RAI14: variants seen among roughly 807,000 people sequenced by gnomAD.
The protein encoded by RAI14 is retinoic acid induced 14.
RAI14 carries 45 observed loss-of-function variants against 115.4 expected under a neutral mutation model. That is an observed-to-expected ratio of 0.39 (90% CI 0.31 to 0.50). The LOEUF is 0.50. RAI14 is among the 20% of genes least tolerant of loss of function. The pLI is 0.85. For synonymous variants in RAI14, 371 were observed against 415.4 expected, an observed-to-expected ratio of 0.89 and a Z score of 1.30; for missense variants, 939 against 1,131.2, an observed-to-expected ratio of 0.83 and a Z score of 2.44.
rs193077666 is a variant in RAI14 at position 34,730,965 on chromosome 5, C to G, written c.37-26503C>G. Among the ~76,000 whole-genome samples, 6 of 152,176 alleles carry G rather than the reference C, an allele frequency of 3.9e-5. No individual in the cohort carries two copies. The East Asian group carries it at 1.2e-3, about 29-fold the overall frequency. ...GCCATTGCACTCCCAGCCTGGGCAA[C>G]AAGAGTGAAACTCCATTTCAAAAGA... On this transcript the variant is annotated intron_variant, in intron 2 of 17. Coordinates refer to ENST00000265109, the MANE Select transcript of RAI14 (RefSeq NM_015577.3).
In RAI14 at chr5:34,828,387, A is replaced by T. The variant is rs564382090; in HGVS notation, c.2800-1345A>T. Among the ~76,000 whole-genome samples the T allele has an allele frequency of 7.2e-5, 11 of 152,320 alleles. No individual in the cohort carries two copies. In the South Asian group the frequency reaches 1.9e-3, roughly 26 times the overall value. On this transcript the variant is annotated intron_variant, in intron 16 of 17. Coordinates refer to ENST00000265109, the MANE Select transcript of RAI14 (RefSeq NM_015577.3). Reference sequence around the variant, plus strand: ...ATCATTCACACAGATATCAAAGCCAAGCGAATGATGACAGAGGCAGTGATA... The same window carrying T: ...ATCATTCACACAGATATCAAAGCCATGCGAATGATGACAGAGGCAGTGATA...
At chr5:34,698,650 G>T (rs1041396709) in intron 2 of RAI14, among the ~76,000 whole-genome samples, 9 of 152,124 alleles carry the variant, frequency 5.9e-5, no homozygotes, top group Non-Finnish European at 1.3e-4. Context: ...GGGGTGAAGA[G>T]ACTCTAATGG....
At chr5:34,713,747 GGT>G (rs1306995879) in intron 2 of RAI14, among the ~76,000 whole-genome samples, 2 of 151,756 alleles carry the variant, frequency 1.3e-5, no homozygotes, top group Admixed American at 6.6e-5. Flanking sequence ...ATTGTCTATG[GGT>G]GTAATTTCCT....
At chr5:34,731,654 G>GA (rs1276055216) in intron 2 of RAI14, among the ~76,000 whole-genome samples, 2 of 151,202 alleles carry the variant, frequency 1.3e-5, no homozygotes, top group Non-Finnish European at 3.0e-5. Flanking sequence ...GGAACAAAAA[G>GA]AAAAAAAGGT....
intron 2 of RAI14, among the ~76,000 whole-genome samples, chr5:34,748,077 G>A (rs529071785): frequency 6.6e-6 from 1 of 152,196 alleles, no homozygotes; most frequent in Non-Finnish European, 1.5e-5. Flanking sequence ...GCTGAAGTGG[G>A]TAGGGCAGAG....
At position 34,824,217 on chromosome 5, in the gene RAI14, T is replaced by C. The variant is rs1375275156; in HGVS notation, c.2375T>C (p.Leu792Pro). 3.1e-6 allele frequency: 5 copies of C among 1,614,028 alleles called. No homozygotes were observed. The highest frequency in any genetic ancestry group is 4.2e-6 in the Non-Finnish European group (5 of 1,180,022). The change falls in exon 15 of 18, where the codon CTC (leucine) becomes CCC (proline). Residue 792 changes from leucine (L) to proline (P), a missense_variant. Coordinates refer to ENST00000265109, the MANE Select transcript of RAI14 (RefSeq NM_015577.3). ...GTACCTCGGTCTTCCTATGAAAAAC[T>C]CCAGTCATCCTTAGAGAGTGAAGTG... ...AMVPRSSYEK[L>P]QSSLESEVSV...
chr5:34,732,833 T>C (rs918148922), intron 2 of RAI14, among the ~76,000 whole-genome samples: 1 of 150,328 alleles, frequency 6.7e-6, no homozygotes, highest in Non-Finnish European at 1.5e-5. Flanking sequence ...ATATATTTTT[T>C]CTCTAATAGG....
At chr5:34,822,706 C>T (rs535746492) in intron 14 of RAI14, among the ~76,000 whole-genome samples, 176 of 85,616 alleles carry the variant, frequency 2.1e-3, no homozygotes, top group African/African-American at 7.3e-3. Flanking sequence ...TTTTTTGAGA[C>T]GGAGTCTTGC....
chr5:34,775,103 A>G (rs888877507), intron 3 of RAI14, among the ~76,000 whole-genome samples: 3 of 152,218 alleles, frequency 2.0e-5, no homozygotes, highest in Non-Finnish European at 4.4e-5. Context: ...CTCTTGCCAT[A>G]TACAAAAACC....
intron 3 of RAI14, among the ~76,000 whole-genome samples, chr5:34,783,094 A>C (rs1751862698): frequency 6.6e-6 from 1 of 152,216 alleles, no homozygotes; most frequent in African/African-American, 2.4e-5. Context: ...GCCAAGATTG[A>C]TAAATATGCC....
chr5:34,780,548 A>C (rs1162040113), intron 3 of RAI14, among the ~76,000 whole-genome samples: 5 of 152,248 alleles, frequency 3.3e-5, no homozygotes, highest in African/African-American at 9.6e-5. Flanking sequence ...CAGCCCCATC[A>C]AAAAGTGGGC....
chr5:34,752,729 G>A (rs1454554118), intron 2 of RAI14, among the ~76,000 whole-genome samples: 8,959 of 90,282 alleles, frequency 0.099, 1,155 homozygotes, highest in African/African-American at 0.27. Context: ...GTGTGTGTGT[G>A]TGTGTGTGTG....
rs1743041840 is a variant in RAI14 at position 34,665,110 on chromosome 5, T to C, written c.-49+8635T>C. 7.6e-4 allele frequency among the ~76,000 whole-genome samples: 20 copies of C among 26,298 alleles called. 7 individuals carry two copies. Among genetic ancestry groups the C allele is most frequent in the African/African-American group, 2.3e-3 (20 of 8,726 alleles). The allele number at this position is 26,298 out of a possible 152,430, so 17.3% of individuals were successfully genotyped here. On this transcript the variant is annotated intron_variant, in intron 1 of 17. Coordinates refer to ENST00000265109, the MANE Select transcript of RAI14 (RefSeq NM_015577.3). ...ATATATGTGTATATATATGTGTATA[T>C]ATATGTGTATATATGTATGTGTATA...
chr5:34,699,458 A>G (rs1334902896), intron 2 of RAI14, among the ~76,000 whole-genome samples: 1 of 152,152 alleles, frequency 6.6e-6, no homozygotes, highest in Non-Finnish European at 1.5e-5. Context: ...TTATAGGAGC[A>G]TCATCCTGAT....
chr5:34,716,165 A>C (rs1867716), intron 2 of RAI14: 86,677 of 402,296 alleles, frequency 0.22, 10,617 homozygotes, highest in Middle Eastern at 0.31. Flanking sequence ...TATTATAAAA[A>C]ATGCACAGAT....
intron 3 of RAI14, among the ~76,000 whole-genome samples, chr5:34,773,792 A>G (rs1750491759): frequency 6.6e-6 from 1 of 152,184 alleles, no homozygotes; most frequent in South Asian, 2.1e-4. Flanking sequence ...AAACTCATAC[A>G]CTGTTGGTGG....
intron 1 of RAI14, among the ~76,000 whole-genome samples, chr5:34,658,654 T>C (rs1306663477): frequency 1.3e-5 from 2 of 152,066 alleles, no homozygotes; most frequent in Non-Finnish European, 2.9e-5. Flanking sequence ...AAAAATTAGC[T>C]GGGCGTGGTG....
rs185662724 is a variant in RAI14, at chr5:34,765,776, A to G, written c.167+8178A>G. Among the ~76,000 whole-genome samples the G allele has an allele frequency of 2.0e-3, 299 of 152,206 alleles. 5 individuals carry two copies. The highest frequency in any genetic ancestry group is 6.6e-3 in the African/African-American group (272 of 41,520). On this transcript the variant is annotated intron_variant, in intron 3 of 17. Transcript: ENST00000265109. ...GAGCCTTCCCAAGACCATGGGGAAA[A>G]TGTCTCCAGGCCATGCCAGAGACCT...
intron 2 of RAI14, among the ~76,000 whole-genome samples, chr5:34,741,390 C>G (rs1745491775): frequency 6.6e-6 from 1 of 152,238 alleles, no homozygotes; most frequent in Non-Finnish European, 1.5e-5. Flanking sequence ...TAGCCCTACA[C>G]TGTTCCCCTC....
Sources: allele counts gnomAD v4.1 joint callset (sites outside exome capture counted in the v4.1 genomes callset), GRCh38; gene constraint gnomAD v4.1.1; transcripts MANE v1.5; gene names NCBI Gene and HGNC (gene_info 2026-07-23, HGNC 2026-07-21).